The following SLAMF6 variants were observed in gnomAD, a reference collection of about 807,000 sequenced individuals.
SLAMF6 encodes NK-T-B-antigen.
A neutral mutation model predicts 38.3 loss-of-function variants in SLAMF6; 21 were observed. The observed-to-expected ratio is 0.55, with a 90% confidence interval of 0.39 to 0.79. SLAMF6 has a LOEUF of 0.79. Among genes scored for constraint, SLAMF6 ranks in the 30% least tolerant of loss-of-function variants. The pLI is 0.00. For synonymous variants in SLAMF6, 152 were observed against 146.3 expected (o/e 1.04, Z -0.28); for missense variants, 341 against 385.3 (o/e 0.89, Z 0.96).
chr1:160,507,325 C>A (rs1189491328), intron 1 of SLAMF6, among the ~76,000 whole-genome samples: 4 of 152,120 alleles, frequency 2.6e-5, no homozygotes, highest in Middle Eastern at 3.4e-3. Context: ...AAAGGGTCAA[C>A]CCTGCAAAAA....
chr1:160,504,852 A>T (rs1304259993), intron 1 of SLAMF6, among the ~76,000 whole-genome samples: 1 of 152,224 alleles, frequency 6.6e-6, no homozygotes, highest in African/African-American at 2.4e-5. Context: ...AGCCACATAC[A>T]TGCCTAGGGC....
chr1:160,486,812 C>T, intron 7 of SLAMF6, 58 bp from the exon 8 acceptor site: 1 of 1,581,456 alleles, frequency 6.3e-7, no homozygotes, highest in Non-Finnish European at 8.7e-7. Context: ...TCAGCCCACC[C>T]CTCATAACTA....
chr1:160,487,050 T>G, intron 7 of SLAMF6, 54 bp downstream of exon 7: 4 of 1,424,040 alleles, frequency 2.8e-6, no homozygotes, highest in Non-Finnish European at 2.9e-6. Context: ...TGAAAAATCA[T>G]AGGTCTGTGG....
intron 1 of SLAMF6, among the ~76,000 whole-genome samples, chr1:160,503,016 G>A (rs1653990842): frequency 6.6e-6 from 1 of 152,138 alleles, no homozygotes; most frequent in African/African-American, 2.4e-5. Flanking sequence ...TATTCAAAAC[G>A]GTGTCATTTC....
At position 160,487,098 on chromosome 1, in the gene SLAMF6, G is replaced by A. The variant is rs768234260; in HGVS notation, c.951+6C>T. Reference sequence around the variant, plus strand: ...ATATAAAAACATGGAGCAATCGTGGGCTTACCTCTTTGGAATGATTAATTG... The same window carrying A: ...ATATAAAAACATGGAGCAATCGTGGACTTACCTCTTTGGAATGATTAATTG... On this transcript the variant is annotated splice_donor_region_variant and intron_variant, in intron 7 of 7. Coordinates refer to ENST00000368057, the MANE Select transcript of SLAMF6 (RefSeq NM_001184714.2). The A allele has an allele frequency of 2.5e-6, 4 of 1,604,388 alleles. No homozygotes were observed. In the Admixed American group the frequency reaches 6.7e-5, roughly 27 times the overall value.
intron 1 of SLAMF6, among the ~76,000 whole-genome samples, chr1:160,522,846 G>T (rs1275317239): frequency 6.6e-6 from 1 of 152,148 alleles, no homozygotes; most frequent in Non-Finnish European, 1.5e-5. Flanking sequence ...TATAACACAA[G>T]ATGCTGGTCA....
intron 2 of SLAMF6, among the ~76,000 whole-genome samples, chr1:160,492,065 C>T (rs1390129280): frequency 5.3e-5 from 8 of 152,090 alleles, no homozygotes; most frequent in East Asian, 1.9e-4. Context: ...CAAAGAAGTG[C>T]GGCGTATCTA....
chr1:160,498,246 A>T (rs1469324926), intron 1 of SLAMF6, among the ~76,000 whole-genome samples: 3 of 152,100 alleles, frequency 2.0e-5, no homozygotes. Context: ...AATACAAAAA[A>T]GTGTATTAGT....
At chr1:160,500,681 A>G (rs1022755588) in intron 1 of SLAMF6, among the ~76,000 whole-genome samples, 1 of 152,028 alleles carries the variant, frequency 6.6e-6, no homozygotes, top group Non-Finnish European at 1.5e-5. Context: ...GGAGACAAAG[A>G]TTTTTGTCTG....
intron 1 of SLAMF6, among the ~76,000 whole-genome samples, chr1:160,511,550 T>A (rs965894164): frequency 2.0e-5 from 3 of 152,178 alleles, no homozygotes; most frequent in Non-Finnish European, 4.4e-5. Flanking sequence ...CCCCTTCCTC[T>A]CATTATATGC....
intron 1 of SLAMF6, among the ~76,000 whole-genome samples, chr1:160,504,445 G>T (rs775211526): frequency 6.6e-6 from 1 of 152,050 alleles, no homozygotes; most frequent in African/African-American, 2.4e-5. Flanking sequence ...CCCTTTCCCC[G>T]ATCTTTTTTC....
chr1:160,512,262 T>A (rs944670982), intron 1 of SLAMF6, among the ~76,000 whole-genome samples: 1 of 152,166 alleles, frequency 6.6e-6, no homozygotes, highest in Non-Finnish European at 1.5e-5. Flanking sequence ...ACTGCATCTT[T>A]AGGCTGGACC....
At chr1:160,510,657 C>T (rs190499667) in intron 1 of SLAMF6, among the ~76,000 whole-genome samples, 1 of 152,216 alleles carries the variant, frequency 6.6e-6, no homozygotes, top group East Asian at 1.9e-4. Context: ...GACTAAAAGC[C>T]TTTCAAATAA....
chr1:160,492,525 A>T lies in SLAMF6; in HGVS notation c.383-1137T>A, dbSNP rs570882450. Among the ~76,000 whole-genome samples the T allele has an allele frequency of 8.9e-4, 136 of 152,296 alleles. 1 individual carries two copies. The highest frequency in any genetic ancestry group is 6.8e-3 in the Middle Eastern group (2 of 294). ...GAATAAATGAGACAGTGCCTAGTACAGGGATGGCAAATATTTGGCATGAAA... is the reference window on the plus strand; with the variant it reads ...GAATAAATGAGACAGTGCCTAGTACTGGGATGGCAAATATTTGGCATGAAA... On this transcript the variant is annotated intron_variant, in intron 2 of 7. Coordinates refer to ENST00000368057, the MANE Select transcript of SLAMF6 (RefSeq NM_001184714.2).
intron 6 of SLAMF6, among the ~76,000 whole-genome samples, chr1:160,488,268 A>G (rs1409886393): frequency 6.6e-6 from 1 of 152,106 alleles, no homozygotes; most frequent in Non-Finnish European, 1.5e-5. Flanking sequence ...GGAATTTGCA[A>G]AGGCAAAAGA....
intron 1 of SLAMF6, among the ~76,000 whole-genome samples, chr1:160,520,355 T>C (rs79523928): frequency 0.012 from 1,895 of 152,260 alleles, 14 homozygotes; most frequent in Middle Eastern, 0.031. Flanking sequence ...TCTTCCTCCC[T>C]ACAATCCCAG....
intron 1 of SLAMF6, among the ~76,000 whole-genome samples, chr1:160,513,236 G>A (rs535807006): frequency 5.6e-4 from 85 of 152,082 alleles, no homozygotes; most frequent in Admixed American, 6.6e-4. Flanking sequence ...ATCAATAGCC[G>A]AATAGACCAA....
intron 1 of SLAMF6, 76 bp downstream of exon 1, chr1:160,523,068 A>G (rs1655061565): frequency 1.3e-6 from 2 of 1,517,320 alleles, no homozygotes; most frequent in South Asian, 1.1e-5. Context: ...AACTGTATAC[A>G]GACGATTTAG....
At chr1:160,520,715 A>C (rs1247357048) in intron 1 of SLAMF6, among the ~76,000 whole-genome samples, 1 of 152,150 alleles carries the variant, frequency 6.6e-6, no homozygotes, top group Non-Finnish European at 1.5e-5. Context: ...TGTCTTTTCC[A>C]CTAAATTTTC....
Sources: allele counts gnomAD v4.1 joint callset (sites outside exome capture counted in the v4.1 genomes callset), GRCh38; gene constraint gnomAD v4.1.1; transcripts MANE v1.5; gene names NCBI Gene and HGNC (gene_info 2026-07-23, HGNC 2026-07-21).